The following ANO1 variants were observed in gnomAD, a reference collection of about 807,000 sequenced individuals.
The protein encoded by ANO1 is anoctamin 1.
ANO1 carries 59 observed loss-of-function variants against 124.0 expected under a neutral mutation model. The observed-to-expected ratio is 0.48, with a 90% CI of 0.39 to 0.59. The LOEUF (loss-of-function observed/expected upper bound fraction) is 0.59. ANO1 is among the 20% of genes least tolerant of loss of function. ANO1 has a pLI of 0.00. For missense variants in ANO1, 1,059 were observed against 1,328.0 expected (o/e 0.80, Z 3.15); for synonymous variants, 529 against 532.0 (o/e 0.99, Z 0.08).
chr11:70,151,622 G>C (rs1285754454), intron 12 of ANO1, among the ~76,000 whole-genome samples: 1 of 152,188 alleles, frequency 6.6e-6, no homozygotes, highest in East Asian at 1.9e-4. Flanking sequence ...TTGGGATCTT[G>C]ATTTTGGGGG....
intron 1 of ANO1, among the ~76,000 whole-genome samples, chr11:69,988,987 G>T (rs1856101816): frequency 6.6e-6 from 1 of 152,030 alleles, no homozygotes; most frequent in African/African-American, 2.4e-5. Context: ...GAGGGAAGTA[G>T]GGAGGGAGGT....
chr11:69,998,729 C>T (rs576558551), intron 1 of ANO1, among the ~76,000 whole-genome samples: 2 of 152,248 alleles, frequency 1.3e-5, no homozygotes, highest in Admixed American at 6.5e-5. Flanking sequence ...AGGTGGTTCA[C>T]CTGAGGTCAG....
chr11:70,060,365 G>C (rs951813519), intron 1 of ANO1, among the ~76,000 whole-genome samples: 2 of 152,200 alleles, frequency 1.3e-5, no homozygotes, highest in Admixed American at 6.5e-5. Context: ...ATTGGGTTTA[G>C]AAGAACTGCC....
intron 1 of ANO1, among the ~76,000 whole-genome samples, chr11:70,054,976 C>T (rs1191119600): frequency 6.6e-6 from 1 of 152,168 alleles, no homozygotes; most frequent in Non-Finnish European, 1.5e-5. Context: ...CCAGTTCAAA[C>T]TGTTTCTAAA....
intron 1 of ANO1, among the ~76,000 whole-genome samples, chr11:70,029,640 C>T (rs1290893285): frequency 2.0e-5 from 3 of 152,230 alleles, no homozygotes; most frequent in Admixed American, 6.5e-5. Context: ...GTGTGTGTCC[C>T]GCTTCCTGCA....
chr11:70,117,833 T>A (rs1054421710), intron 8 of ANO1, among the ~76,000 whole-genome samples: 1 of 152,134 alleles, frequency 6.6e-6, no homozygotes, highest in African/African-American at 2.4e-5. Context: ...CCCCCATACA[T>A]GTTTTTAAAT....
intron 1 of ANO1, among the ~76,000 whole-genome samples, chr11:70,057,251 A>G (rs1787634812): frequency 6.6e-6 from 1 of 152,122 alleles, no homozygotes; most frequent in Non-Finnish European, 1.5e-5. Flanking sequence ...TCTTCTTCCG[A>G]GAGGATTCTT....
At chr11:69,996,215 T>C (rs1030823781) in intron 1 of ANO1, among the ~76,000 whole-genome samples, 1 of 152,190 alleles carries the variant, frequency 6.6e-6, no homozygotes, top group East Asian at 1.9e-4. Flanking sequence ...TATGAGACCA[T>C]CCTGAGCTGA....
chr11:70,101,720 G>A (rs922042489), intron 2 of ANO1, among the ~76,000 whole-genome samples: 1 of 152,046 alleles, frequency 6.6e-6, no homozygotes, highest in African/African-American at 2.4e-5. Context: ...CCCTGAGCCT[G>A]CACCTGGTCG....
intron 1 of ANO1, among the ~76,000 whole-genome samples, chr11:70,060,288 G>T (rs1857544311): frequency 6.6e-6 from 1 of 152,218 alleles, no homozygotes; most frequent in African/African-American, 2.4e-5. Context: ...GAGGGAGGAA[G>T]TGCAGCAGCT....
intron 1 of ANO1, among the ~76,000 whole-genome samples, chr11:70,055,201 A>G (rs1857415991): frequency 6.6e-6 from 1 of 152,128 alleles, no homozygotes; most frequent in African/African-American, 2.4e-5. Flanking sequence ...GTGCACTTAA[A>G]AAATATGTAT....
chr11:70,161,806 T>C (rs1377854722), intron 18 of ANO1, 73 bp downstream of exon 18: 6 of 1,458,452 alleles, frequency 4.1e-6, no homozygotes, highest in Middle Eastern at 1.8e-4. Context: ...TCCCCACAGG[T>C]TGGGGGCACC....
chr11:70,104,652 G>A (rs1033166006), intron 4 of ANO1, among the ~76,000 whole-genome samples: 1 of 152,338 alleles, frequency 6.6e-6, no homozygotes, highest in Admixed American at 6.5e-5. Flanking sequence ...TCCTCCCGAG[G>A]GGCAGTGGGG....
At chr11:70,127,009 G>A (rs533152065) in intron 10 of ANO1, among the ~76,000 whole-genome samples, 1 of 134,504 alleles carries the variant, frequency 7.4e-6, no homozygotes, top group South Asian at 3.0e-4. Flanking sequence ...AGAGGCCTCG[G>A]TACAGGCTGG....
intron 20 of ANO1, among the ~76,000 whole-genome samples, 193 bp downstream of exon 20, chr11:70,165,763 G>A (rs561286398): frequency 1.3e-5 from 2 of 152,316 alleles, no homozygotes; most frequent in South Asian, 4.1e-4. Flanking sequence ...GCTGACGCCT[G>A]TAATCCCAGC....
At chr11:70,179,761 C>A (rs1430009857) in intron 22 of ANO1, among the ~76,000 whole-genome samples, 1 of 152,210 alleles carries the variant, frequency 6.6e-6, no homozygotes, top group East Asian at 1.9e-4. Context: ...GAGGGAGCAG[C>A]TGTCTTTAAG....
At chr11:70,075,447 T>C (rs1487137697), upstream of ANO1, 1 of 149,064 alleles carries the variant, frequency 6.7e-6, no homozygotes, top group Non-Finnish European at 1.5e-5. Flanking sequence ...GACACGCAAA[T>C]TCATGAAGCA....
At chr11:70,075,025 A>C (rs562136375), upstream of ANO1, 1 of 152,362 alleles carries the variant, frequency 6.6e-6, no homozygotes, top group East Asian at 1.9e-4. Flanking sequence ...ATCTAGGCAC[A>C]CCAAGGCCAT....
At chr11:70,158,137 C>T (rs1189431996) in intron 16 of ANO1, among the ~76,000 whole-genome samples, 3 of 152,114 alleles carry the variant, frequency 2.0e-5, no homozygotes, top group African/African-American at 7.2e-5. Flanking sequence ...AGACAGGACA[C>T]GATAGTGCTA....
Sources: allele counts gnomAD v4.1 joint callset (sites outside exome capture counted in the v4.1 genomes callset), GRCh38; gene constraint gnomAD v4.1.1; transcripts MANE v1.5; gene names NCBI Gene and HGNC (gene_info 2026-07-23, HGNC 2026-07-21).